Variants in REEP1 observed in about 807,000 individuals in gnomAD.
REEP1 encodes receptor accessory protein 1.
In REEP1, 22 loss-of-function variants were observed where a neutral mutation model predicts 40.3. That is an observed-to-expected ratio of 0.55 (90% CI 0.39 to 0.78). REEP1 has a LOEUF of 0.78. REEP1 is among the 30% of genes least tolerant of loss of function. REEP1 has a pLI of 0.00. For synonymous variants in REEP1, 116 were observed against 139.2 expected (o/e 0.83, Z 1.17); for missense variants, 280 against 361.1 (o/e 0.78, Z 1.82).
At chr2:86,231,789 G>A (rs1359751680) in intron 6 of REEP1, among the ~76,000 whole-genome samples, 2 of 152,142 alleles carry the variant, frequency 1.3e-5, no homozygotes, top group Non-Finnish European at 2.9e-5. Flanking sequence ...AGCAGCCTGG[G>A]AAACTGTGTG....
intron 2 of REEP1, among the ~76,000 whole-genome samples, chr2:86,266,342 G>A (rs772636278): frequency 3.3e-5 from 5 of 152,156 alleles, no homozygotes; most frequent in East Asian, 1.9e-4. Context: ...CAAAAGGGCC[G>A]GGCGCGGTGG....
chr2:86,333,069 A>G (rs148077410), intron 1 of REEP1, among the ~76,000 whole-genome samples: 84 of 152,266 alleles, frequency 5.5e-4, no homozygotes, highest in African/African-American at 1.9e-3. Context: ...CAACCGAAAC[A>G]TTTACCCAGC....
intron 3 of REEP1, among the ~76,000 whole-genome samples, chr2:86,260,107 G>A (rs563594474): frequency 3.4e-4 from 51 of 152,174 alleles, no homozygotes; most frequent in Non-Finnish European, 2.5e-4. Flanking sequence ...TGTTCTCAGG[G>A]TGAGAGGAAG....
intron 1 of REEP1, among the ~76,000 whole-genome samples, chr2:86,304,547 C>T (rs1307134801): frequency 1.3e-5 from 2 of 152,198 alleles, no homozygotes; most frequent in African/African-American, 4.8e-5. Context: ...CAGACACAAA[C>T]CCGCATTCCC....
intron 1 of REEP1, chr2:86,336,881 T>C (rs1681067212): frequency 6.6e-6 from 1 of 152,260 alleles, no homozygotes; most frequent in Non-Finnish European, 1.5e-5. Context: ...AGGCGTTTAC[T>C]CCAAGATTCA....
chr2:86,235,565 G>A lies in REEP1; in HGVS notation c.418-2763C>T, dbSNP rs115364382. On this transcript the variant is annotated intron_variant, in intron 5 of 8. Coordinates refer to ENST00000538924, the MANE Select transcript of REEP1 (RefSeq NM_001371279.1). The stretch of plus-strand genomic sequence containing the variant: ...CACAAAGGTTGCTATTGAAAGCAGA[G>A]GTGGAAAAGGTCACTTCCTAAGCTT... Among the ~76,000 whole-genome samples, 284 of 152,306 alleles carry A rather than the reference G, an allele frequency of 1.9e-3. 2 individuals carry two copies. The highest frequency in any genetic ancestry group is 6.8e-3 in the Middle Eastern group (2 of 294).
chr2:86,272,078 C>A (rs981473400), intron 2 of REEP1, among the ~76,000 whole-genome samples: 10 of 152,076 alleles, frequency 6.6e-5, no homozygotes, highest in African/African-American at 2.4e-4. Flanking sequence ...CAAAAAATAG[C>A]CAGGTGTGGT....
chr2:86,300,555 G>C (rs1679213933), intron 1 of REEP1, among the ~76,000 whole-genome samples: 1 of 152,198 alleles, frequency 6.6e-6, no homozygotes, highest in African/African-American at 2.4e-5. Flanking sequence ...GAGTCAGAGA[G>C]AGTACCAGAC....
chr2:86,337,658 G>A, upstream of REEP1: 1 of 1,030,442 alleles, frequency 9.7e-7, no homozygotes, highest in Non-Finnish European at 1.2e-6. The surrounding 1 kb of genome is among the most constrained non-coding windows in gnomAD (Gnocchi z 5.8). Context: ...CGGCGTTCGC[G>A]CGTTGGCGCA....
At chr2:86,252,161 C>T (rs1676320162) in intron 4 of REEP1, 91 bp from the exon 5 acceptor site, 3 of 959,368 alleles carry the variant, frequency 3.1e-6, no homozygotes, top group Non-Finnish European at 5.1e-6. Flanking sequence ...GGCTTGGCAG[C>T]TTGCCCAATC....
intron 1 of REEP1, among the ~76,000 whole-genome samples, chr2:86,298,696 C>T (rs902158420): frequency 4.6e-5 from 7 of 152,248 alleles, no homozygotes; most frequent in Admixed American, 6.5e-5. Context: ...TTAGTAAACA[C>T]TCAAACAACG....
At chr2:86,275,353 T>G (rs1677699699) in intron 2 of REEP1, among the ~76,000 whole-genome samples, 1 of 152,228 alleles carries the variant, frequency 6.6e-6, no homozygotes, top group African/African-American at 2.4e-5. Context: ...TTTTCTTATT[T>G]TCTATATTCT....
intron 2 of REEP1, among the ~76,000 whole-genome samples, chr2:86,278,138 C>T (rs965841374): frequency 3.3e-5 from 5 of 152,144 alleles, no homozygotes; most frequent in African/African-American, 1.2e-4. Flanking sequence ...CATGATTCCA[C>T]CCTCTAAAAA....
chr2:86,216,116 A>G lies in REEP1; in HGVS notation c.*923T>C, dbSNP rs1674100319. ...TGTCAGGAAATCGGCAGCACTGGTC[A>G]CGATAAAGGAGAAATCGTCCTTTGT... is the stretch of plus-strand genomic sequence containing the variant. On this transcript the variant is annotated 3_prime_UTR_variant, in exon 9 of 9. Transcript: ENST00000538924. 2.0e-5 allele frequency: 3 copies of G among 152,238 alleles called. No individual in the cohort carries two copies. The highest frequency in any genetic ancestry group is 2.0e-4 in the Admixed American group (3 of 15,280). The allele number at this position is 152,238 out of a possible 1,614,324, so 9.4% of individuals were successfully genotyped here.
intron 2 of REEP1, among the ~76,000 whole-genome samples, chr2:86,280,846 A>G (rs374316621): frequency 1.5e-4 from 23 of 152,266 alleles, no homozygotes; most frequent in African/African-American, 5.5e-4. Flanking sequence ...TTCATCATAA[A>G]GACTTCTTGG....
intron 1 of REEP1, among the ~76,000 whole-genome samples, chr2:86,322,233 G>A (rs975953201): frequency 6.6e-6 from 1 of 152,136 alleles, no homozygotes; most frequent in Non-Finnish European, 1.5e-5. Flanking sequence ...TACATGGAGT[G>A]CAACAAACAT....
At chr2:86,227,527 T>G in intron 6 of REEP1, 129 bp from the exon 7 acceptor site, 1 of 724,720 alleles carries the variant, frequency 1.4e-6, no homozygotes, top group South Asian at 7.1e-5. Flanking sequence ...CCCAGGAAGG[T>G]GGGTCTCTGT....
Position 86,232,808 on chromosome 2 carries a change from T to G in REEP1, c.418-6A>C. 6.3e-7 allele frequency: 1 copy of G among 1,599,560 alleles called. No homozygotes were observed. Among genetic ancestry groups the G allele is most frequent in the Non-Finnish European group, 8.5e-7 (1 of 1,179,770 alleles). ...TCCGATAAGGCACCCTGTCCCTGGA[T>G]ACAACACAGGAGGGGCACACGTCAG... On this transcript the variant is annotated splice_polypyrimidine_tract_variant and splice_region_variant and intron_variant, in intron 5 of 8. Transcript: ENST00000538924.
intron 1 of REEP1, among the ~76,000 whole-genome samples, chr2:86,315,447 G>A (rs535098229): frequency 6.6e-6 from 1 of 152,320 alleles, no homozygotes; most frequent in African/African-American, 2.4e-5. Context: ...CTGTACGACT[G>A]CTGCATTAAT....
Sources: allele counts gnomAD v4.1 joint callset (sites outside exome capture counted in the v4.1 genomes callset), GRCh38; gene constraint gnomAD v4.1.1; non-coding constraint Gnocchi (gnomAD v3.1); transcripts MANE v1.5; gene names NCBI Gene and HGNC (gene_info 2026-07-23, HGNC 2026-07-21).